DYM: variants seen among roughly 807,000 people sequenced by gnomAD.
DYM encodes the protein dyggve-Melchior-Clausen syndrome protein.
Under a neutral mutation model 93.1 loss-of-function variants are expected in DYM, and 78 were observed. The observed-to-expected ratio is 0.84, with a 90% CI of 0.70 to 1.01. The LOEUF (loss-of-function observed/expected upper bound fraction) is 1.01. Among genes scored for constraint, DYM ranks in the 50% least tolerant of loss-of-function variants. DYM has a pLI of 0.00. For missense variants in DYM, 789 were observed against 845.0 expected (o/e 0.93, Z 0.82); for synonymous variants, 321 against 319.7 (o/e 1.00, Z -0.04).
chr18:49,433,356 T>C (rs1438701871), intron 1 of DYM, among the ~76,000 whole-genome samples: 1 of 152,236 alleles, frequency 6.6e-6, no homozygotes, highest in Admixed American at 6.5e-5. Context: ...CATGTAATCA[T>C]AGTATACGAC....
At chr18:49,441,254 A>G (rs2081529873) in intron 1 of DYM, among the ~76,000 whole-genome samples, 1 of 37,414 alleles carries the variant, frequency 2.7e-5, no homozygotes. Flanking sequence ...TAATATTGTT[A>G]TATATAATTA....
chr18:49,342,445 T>C (rs1568284184), intron 6 of DYM, among the ~76,000 whole-genome samples: 1 of 152,196 alleles, frequency 6.6e-6, no homozygotes, highest in Non-Finnish European at 1.5e-5. Context: ...GTTCCAGGGA[T>C]TAGAGCATGT....
intron 9 of DYM, among the ~76,000 whole-genome samples, chr18:49,282,620 A>G (rs370243308): frequency 4.6e-5 from 7 of 152,220 alleles, no homozygotes; most frequent in Non-Finnish European, 1.0e-4. Flanking sequence ...AAAACAAAAC[A>G]AAACAAAAAT....
At chr18:49,080,198 C>T (rs1349889868) in intron 17 of DYM, among the ~76,000 whole-genome samples, 1 of 93,462 alleles carries the variant, frequency 1.1e-5, no homozygotes, top group Non-Finnish European at 2.1e-5. Context: ...GGCGTCTGGC[C>T]GGGTGGGGGG....
chr18:49,044,260 T>C, intron 17 of DYM, 56 bp from the exon 18 acceptor site: 2 of 1,604,826 alleles, frequency 1.2e-6, no homozygotes, highest in East Asian at 4.5e-5. Context: ...CAAGCAAAAG[T>C]GGTGAGAGTT....
intron 6 of DYM, among the ~76,000 whole-genome samples, chr18:49,337,674 T>C (rs555745323): frequency 6.6e-6 from 1 of 152,260 alleles, no homozygotes; most frequent in East Asian, 1.9e-4. Flanking sequence ...GGAGTCCTAG[T>C]GAAGAGTCAG....
intron 14 of DYM, among the ~76,000 whole-genome samples, chr18:49,176,542 C>T (rs1373411928): frequency 1.3e-5 from 2 of 148,148 alleles, no homozygotes; most frequent in Admixed American, 6.8e-5. Context: ...TCCTGAATAG[C>T]TGGGACAACA....
chr18:49,269,354 T>C (rs1403948486), intron 11 of DYM, among the ~76,000 whole-genome samples: 1 of 152,168 alleles, frequency 6.6e-6, no homozygotes, highest in African/African-American at 2.4e-5. Context: ...TTACACACTG[T>C]TGGTGGAAAT....
chr18:49,393,051 G>A (rs1466217627), intron 2 of DYM, among the ~76,000 whole-genome samples: 5 of 115,752 alleles, frequency 4.3e-5, no homozygotes, highest in Admixed American at 9.3e-5. Flanking sequence ...GGAGGAGGAG[G>A]GGAGGAGGGG....
At chr18:49,158,187 TCTCA>T (rs1039637397) in intron 15 of DYM, among the ~76,000 whole-genome samples, 23 of 152,212 alleles carry the variant, frequency 1.5e-4, no homozygotes, top group African/African-American at 5.5e-4. Flanking sequence ...AGTTTTTCTC[TCTCA>T]CTTTCTCTTC....
intron 2 of DYM, among the ~76,000 whole-genome samples, chr18:49,404,169 G>A (rs2071183180): frequency 6.6e-6 from 1 of 151,964 alleles, no homozygotes; most frequent in African/African-American, 2.4e-5. Flanking sequence ...CACCACACCT[G>A]GCTAATTTTT....
chr18:49,420,010 T>C (rs1030769433), intron 2 of DYM, among the ~76,000 whole-genome samples: 1 of 152,208 alleles, frequency 6.6e-6, no homozygotes, highest in African/African-American at 2.4e-5. Flanking sequence ...TCAAAAGTTG[T>C]TGATGCTATA....
intron 1 of DYM, among the ~76,000 whole-genome samples, chr18:49,435,506 GGCCGGGCACAGTGGCTCAT>G (rs1568441223): frequency 6.6e-6 from 1 of 151,168 alleles, no homozygotes; most frequent in East Asian, 1.9e-4. Flanking sequence ...AAAACCACAA[GGCCGGGCACAGTGGCTCAT>G]GCCTGTAATC....
intron 6 of DYM, among the ~76,000 whole-genome samples, chr18:49,345,216 G>C (rs1352884342): frequency 6.6e-6 from 1 of 151,998 alleles, no homozygotes; most frequent in African/African-American, 2.4e-5. Flanking sequence ...CAAAGAGAAG[G>C]GGGAAAAAAT....
chr18:49,258,360 A>T lies in DYM; in HGVS notation c.1365+20T>A. On this transcript the variant is annotated intron_variant, in intron 12 of 17. Coordinates refer to ENST00000675505, the MANE Select transcript of DYM (RefSeq NM_001353214.3). ...TTGTACTGTATGCAAAAAAGATAGA[A>T]TAGCAGCTGGAATACTTACTCGTGT... 6.7e-7 allele frequency: 1 copy of T among 1,501,838 alleles called. No homozygotes were observed. 93.0% of individuals were successfully genotyped at this position (1,501,838 alleles called of 1,614,324 possible).
chr18:49,317,603 TC>T (rs1279265695), intron 8 of DYM, among the ~76,000 whole-genome samples: 3,221 of 17,968 alleles, frequency 0.18, 375 homozygotes, highest in East Asian at 0.49. Context: ...CTCTCCCCCC[TC>T]CCCCCTCCCT....
intron 2 of DYM, among the ~76,000 whole-genome samples, chr18:49,392,601 T>C (rs1033722307): frequency 7.1e-6 from 1 of 141,384 alleles, no homozygotes; most frequent in Non-Finnish European, 1.5e-5. Flanking sequence ...CATGAAAACA[T>C]GCTCAACATC....
intron 7 of DYM, among the ~76,000 whole-genome samples, chr18:49,332,381 C>T (rs867664461): frequency 3.3e-5 from 5 of 152,188 alleles, no homozygotes; most frequent in Admixed American, 6.5e-5. Flanking sequence ...AGATTACAGG[C>T]GTGAGCCACC....
At chr18:49,249,033 A>T (rs1324888215) in intron 13 of DYM, among the ~76,000 whole-genome samples, 1 of 152,198 alleles carries the variant, frequency 6.6e-6, no homozygotes, top group African/African-American at 2.4e-5. Flanking sequence ...CGGCTACCTT[A>T]GATTGTAGAG....
Sources: allele counts gnomAD v4.1 joint callset (sites outside exome capture counted in the v4.1 genomes callset), GRCh38; gene constraint gnomAD v4.1.1; transcripts MANE v1.5; gene names NCBI Gene and HGNC (gene_info 2026-07-23, HGNC 2026-07-21).